Variants in BRI3 observed in about 807,000 individuals in gnomAD.
BRI3 encodes membrane protein BRI3.
Under a neutral mutation model 12.8 loss-of-function variants are expected in BRI3, and 6 were observed. The ratio of observed to expected loss-of-function variants is 0.47; its 90% confidence interval spans 0.26 to 0.93. BRI3 has a LOEUF of 0.93. Ranked by LOEUF, BRI3 falls within the 40% of genes least tolerant of loss-of-function variation. The pLI is 0.15. For missense variants in BRI3, 134 were observed against 171.1 expected (o/e 0.78, Z 1.21); for synonymous variants, 91 against 76.1 (o/e 1.20, Z -1.02).
the BRI3 span, chr7:98,317,264 G>C: frequency 2.5e-6 from 4 of 1,614,184 alleles, no homozygotes; most frequent in Non-Finnish European, 3.4e-6. Flanking sequence ...GGCTTCCTTG[G>C]CTTTTCCTTC....
At chr7:98,305,848 A>C (rs987345661), upstream of BRI3, among the ~76,000 whole-genome samples, 1 of 152,188 alleles carries the variant, frequency 6.6e-6, no homozygotes, top group South Asian at 2.1e-4. Flanking sequence ...CTGATCTGGA[A>C]TACGGATTTG....
chr7:98,295,377 T>C (rs984022068), downstream of BRI3, among the ~76,000 whole-genome samples: 4 of 152,166 alleles, frequency 2.6e-5, no homozygotes, highest in Non-Finnish European at 4.4e-5. Flanking sequence ...GCCACTGACC[T>C]GCCTTGCACA....
rs1261858148 is a variant in BRI3, at chr7:98,291,359, C to T, written c.*116C>T. On this transcript the variant is annotated 3_prime_UTR_variant, in exon 3 of 3. Coordinates refer to ENST00000297290, the MANE Select transcript of BRI3 (RefSeq NM_015379.5). ...ACTGTTTTGTAAAGCGAGGTGGGAC[C>T]GATGTGGCACACGCCAGCTGCGGTT... The T allele has an allele frequency of 1.3e-5, 20 of 1,516,782 alleles. No individual in the cohort carries two copies. Among genetic ancestry groups the T allele is most frequent in the Middle Eastern group, 2.5e-4 (1 of 4,060 alleles). 94.0% of individuals were successfully genotyped at this position (1,516,782 alleles called of 1,614,324 possible).
the BRI3 span, among the ~76,000 whole-genome samples, chr7:98,316,921 T>G: frequency 7.6e-4 from 115 of 151,966 alleles, no homozygotes; most frequent in African/African-American, 2.4e-3. Flanking sequence ...TGGAGTGCAG[T>G]GGCATAATCT....
At chr7:98,310,307 C>A in exon 2 of BRI3, 4 of 906,660 alleles carry the variant, frequency 4.4e-6, no homozygotes, top group Admixed American at 3.4e-5. Flanking sequence ...CTCTGCAAAG[C>A]CAGGGCTGAA....
chr7:98,313,021 C>T (rs1166597227), downstream of BRI3, among the ~76,000 whole-genome samples: 2 of 152,276 alleles, frequency 1.3e-5, no homozygotes, highest in Admixed American at 6.5e-5. Flanking sequence ...ATGGCAGTCA[C>T]ACTGCTTTTA....
rs998227361 is a variant in BRI3 at position 98,291,422 on chromosome 7, C to G, written c.*179C>G. On this transcript the variant is annotated 3_prime_UTR_variant, in exon 3 of 3. Transcript: ENST00000297290. ...GAGAGGCAGTGCTGCTGCTCCCGCC[C>G]GAGGCTCATGACAACTCAATAAAGC... The G allele has an allele frequency of 5.6e-6, 8 of 1,430,592 alleles. No homozygotes were observed. The highest frequency in any genetic ancestry group is 1.4e-5 in the African/African-American group (1 of 69,516). The allele number at this position is 1,430,592 out of a possible 1,614,324, so 88.6% of individuals were successfully genotyped here. A position where few individuals can be genotyped will look rare whatever the true frequency, so the allele number is the denominator to read the frequency against.
the BRI3 span, chr7:98,315,625 A>ATCAT: frequency 1.8e-6 from 2 of 1,130,960 alleles, no homozygotes; most frequent in Non-Finnish European, 2.3e-6. Flanking sequence ...AAAAAAAAAA[A>ATCAT]AATAATAATA....
chr7:98,314,496 C>T (rs1171119858), downstream of BRI3, among the ~76,000 whole-genome samples: 4 of 151,932 alleles, frequency 2.6e-5, no homozygotes, highest in Non-Finnish European at 5.9e-5. Context: ...TTTACAAAGG[C>T]CCAACAGAGT....
downstream of BRI3, among the ~76,000 whole-genome samples, chr7:98,297,757 C>G (rs959167518): frequency 6.6e-6 from 1 of 152,204 alleles, no homozygotes; most frequent in African/African-American, 2.4e-5. Context: ...GTGACGCAAA[C>G]GAAGATGCGT....
chr7:98,294,629 G>A (rs2116778360), downstream of BRI3, among the ~76,000 whole-genome samples: 1 of 152,358 alleles, frequency 6.6e-6, no homozygotes, highest in African/African-American at 2.4e-5. Flanking sequence ...CAGACTCGGG[G>A]CAAACAGAGA....
At chr7:98,306,435 C>T, upstream of BRI3, 2 of 1,614,158 alleles carry the variant, frequency 1.2e-6, no homozygotes, top group East Asian at 2.2e-5. Context: ...ACGTTCAGGG[C>T]TACCTTGGCG....
At chr7:98,304,076 CG>C (rs1800534307), upstream of BRI3, 1 of 1,095,282 alleles carries the variant, frequency 9.1e-7, no homozygotes, top group Non-Finnish European at 1.2e-6. Flanking sequence ...CCCTCCTCCC[CG>C]GGGACACCAC....
chr7:98,292,652 TC>T, downstream of BRI3: 1 of 1,551,656 alleles, frequency 6.4e-7, no homozygotes, highest in Non-Finnish European at 8.7e-7. Context: ...CCAGAGGTCA[TC>T]CTGGCTTTAC....
downstream of BRI3, chr7:98,292,461 C>T (rs1203408390): frequency 1.1e-5 from 7 of 628,326 alleles, no homozygotes; most frequent in Middle Eastern, 4.4e-4. Context: ...GTACCTGGGC[C>T]GGGCTGGGAA....
At chr7:98,315,092 A>AGGTGAG (rs1801023994), downstream of BRI3, among the ~76,000 whole-genome samples, 1 of 152,180 alleles carries the variant, frequency 6.6e-6, no homozygotes, top group African/African-American at 2.4e-5. Context: ...CATGTGTGGA[A>AGGTGAG]GGTGAGTGGC....
downstream of BRI3, chr7:98,315,432 G>T (rs2107716): frequency 1.4e-6 from 2 of 1,379,884 alleles, no homozygotes; most frequent in South Asian, 2.0e-5. Context: ...TTATTAATAC[G>T]CTCAAGGCAA....
chr7:98,322,169 T>C, the BRI3 span, among the ~76,000 whole-genome samples: 9 of 151,884 alleles, frequency 5.9e-5, no homozygotes, highest in East Asian at 1.5e-3. Flanking sequence ...AGGACTGTGG[T>C]AGAATATGGG....
At position 98,291,212 on chromosome 7, in the gene BRI3, G is replaced by T. The variant is rs772300526; in HGVS notation, c.347G>T (p.Arg116Leu). The T allele has an allele frequency of 1.9e-6, 3 of 1,613,580 alleles. No individual in the cohort carries two copies. Among genetic ancestry groups the T allele is most frequent in the South Asian group, 1.1e-5 (1 of 91,054 alleles). ...FICCFALRKRRCPNCGATFA is the reference protein window; with the variant it reads ...FICCFALRKRLCPNCGATFA ...TGCTGTTTTGCCTTGAGGAAGCGACGATGCCCCAACTGTGGAGCCACCTTC... is the reference window on the plus strand; with the variant it reads ...TGCTGTTTTGCCTTGAGGAAGCGACTATGCCCCAACTGTGGAGCCACCTTC... Residue 116 changes from arginine (R) to leucine (L), a missense_variant, in exon 3 of 3, where the codon CGA becomes CTA. Arg to Leu is a moderately radical substitution (Grantham distance 102). Transcript: ENST00000297290.
Sources: allele counts gnomAD v4.1 joint callset (sites outside exome capture counted in the v4.1 genomes callset), GRCh38; gene constraint gnomAD v4.1.1; transcripts MANE v1.5; gene names NCBI Gene and HGNC (gene_info 2026-07-23, HGNC 2026-07-21).